AHRR: variants seen among roughly 807,000 people sequenced by gnomAD.
AHRR encodes the protein aryl hydrocarbon receptor repressor.
Under a neutral mutation model 44.0 loss-of-function variants are expected in AHRR, and 28 were observed. The ratio of observed to expected loss-of-function variants is 0.64; its 90% CI spans 0.47 to 0.87. AHRR has a LOEUF of 0.87. AHRR is among the 40% of genes least tolerant of loss of function. The pLI is 0.00. For missense variants in AHRR, 990 were observed against 953.9 expected, an observed-to-expected ratio of 1.04 and a Z score of -0.50; for synonymous variants, 434 against 407.0, an observed-to-expected ratio of 1.07 and a Z score of -0.80.
At chr5:407,098 A>T (rs1186248681) in intron 4 of AHRR, among the ~76,000 whole-genome samples, 1 of 152,148 alleles carries the variant, frequency 6.6e-6, no homozygotes, top group Non-Finnish European at 1.5e-5. Flanking sequence ...TATTTCTTAG[A>T]TGTTTAATAA....
intron 1 of AHRR, among the ~76,000 whole-genome samples, chr5:336,098 A>G (rs192498028): frequency 7.7e-4 from 118 of 152,312 alleles, no homozygotes; most frequent in African/African-American, 2.7e-3. Context: ...TAAATTTCAG[A>G]AAGGGTATGA....
At chr5:356,660 C>T (rs1442009403) in intron 3 of AHRR, among the ~76,000 whole-genome samples, 2 of 5,894 alleles carry the variant, frequency 3.4e-4, no homozygotes, top group African/African-American at 1.7e-3. Flanking sequence ...GAAGAGCGCC[C>T]GCGAGTGGAG....
At chr5:322,858 G>C (rs1162479372) in intron 1 of AHRR, among the ~76,000 whole-genome samples, 1 of 152,230 alleles carries the variant, frequency 6.6e-6, no homozygotes, top group Non-Finnish European at 1.5e-5. Flanking sequence ...GCTTCGACGG[G>C]GGGGACGCCA....
intron 3 of AHRR, among the ~76,000 whole-genome samples, chr5:366,884 A>G (rs1456405836): frequency 1.3e-5 from 2 of 152,204 alleles, no homozygotes; most frequent in Non-Finnish European, 2.9e-5. Context: ...AAAACCCAGC[A>G]GGCCATGAAA....
rs147386481 is a variant in AHRR at position 369,258 on chromosome 5, C to T, written c.245-7352C>T. ...TCAAGAGCAGCACGGCACAGTCATC[C>T]GCTTCTCACACTTCCTCACACCCTC... is the stretch of plus-strand genomic sequence containing the variant. On this transcript the variant is annotated intron_variant, in intron 3 of 10. Coordinates refer to ENST00000684583, the MANE Select transcript of AHRR (RefSeq NM_001377236.1). 7.2e-5 allele frequency among the ~76,000 whole-genome samples: 11 copies of T among 152,274 alleles called. No individual in the cohort carries two copies. In the South Asian group the frequency reaches 8.3e-4, roughly 11 times the overall value.
chr5:394,746 T>C (rs2434691), intron 4 of AHRR, among the ~76,000 whole-genome samples: 1 of 152,166 alleles, frequency 6.6e-6, no homozygotes, highest in Non-Finnish European at 1.5e-5. Flanking sequence ...ATTGGGCCTG[T>C]GTGGGGCCGG....
chr5:381,112 C>T (rs1408835272), intron 4 of AHRR, among the ~76,000 whole-genome samples: 1 of 152,264 alleles, frequency 6.6e-6, no homozygotes, highest in Non-Finnish European at 1.5e-5. Context: ...AAATTCTCCT[C>T]TTCTTGTGCC....
At chr5:343,440 G>T in intron 1 of AHRR, 1 of 189,848 alleles carries the variant, frequency 5.3e-6, no homozygotes, top group African/African-American at 2.4e-5. Flanking sequence ...GGGGGTGACG[G>T]GAACACGGGA....
At chr5:391,049 G>GAA (rs1230924048) in intron 4 of AHRR, among the ~76,000 whole-genome samples, 8 of 39,646 alleles carry the variant, frequency 2.0e-4, no homozygotes, top group Admixed American at 2.0e-3. Context: ...AACATCCTCA[G>GAA]ACAGACGGGA....
At chr5:344,050 G>C in intron 2 of AHRR, 86 bp downstream of exon 2, 2 of 1,415,604 alleles carry the variant, frequency 1.4e-6, no homozygotes, top group Non-Finnish European at 1.9e-6. Flanking sequence ...GGAGTTTTAG[G>C]AACAGGGCGA....
chr5:421,100 G>A (rs940416184), intron 5 of AHRR: 9 of 546,562 alleles, frequency 1.6e-5, no homozygotes, highest in African/African-American at 1.6e-4. Flanking sequence ...ACATTGGCCA[G>A]AAGGTGCAGC....
intron 5 of AHRR, among the ~76,000 whole-genome samples, chr5:415,611 G>T (rs75387301): frequency 1.1e-5 from 1 of 87,260 alleles, no homozygotes; most frequent in Non-Finnish European, 2.8e-5. Flanking sequence ...CTGCCTGGTG[G>T]GGCGGGAGGC....
rs371788996 is a variant in AHRR at position 373,912 on chromosome 5, C to A, written c.245-2698C>A. ...TGGCCCCATCGCGTGACGGCGCCGG[C>A]GGCTGCGGGGGAAGTAGGGGGGAAG... On this transcript the variant is annotated intron_variant, in intron 3 of 10. Coordinates refer to ENST00000684583, the MANE Select transcript of AHRR (RefSeq NM_001377236.1). 5.7e-4 allele frequency among the ~76,000 whole-genome samples: 86 copies of A among 150,842 alleles called. 2 individuals carry two copies. The South Asian group carries it at 0.015, about 26-fold the overall frequency.
intron 2 of AHRR, among the ~76,000 whole-genome samples, chr5:352,704 G>T (rs1579614269): frequency 6.7e-6 from 1 of 148,844 alleles, no homozygotes; most frequent in Non-Finnish European, 1.5e-5. Flanking sequence ...TCACTGTGAG[G>T]TTAAATGGGT....
intron 1 of AHRR, among the ~76,000 whole-genome samples, chr5:327,012 T>C (rs980088099): frequency 1.3e-5 from 2 of 152,186 alleles, no homozygotes; most frequent in African/African-American, 2.4e-5. Flanking sequence ...TGAGCTGAGA[T>C]TGAGCCATTG....
At chr5:353,266 C>A (rs1742922583) in intron 2 of AHRR, among the ~76,000 whole-genome samples, 1 of 152,174 alleles carries the variant, frequency 6.6e-6, no homozygotes, top group Admixed American at 6.5e-5. Flanking sequence ...CCAGGAGGAC[C>A]TTTTCATGTT....
intron 3 of AHRR, among the ~76,000 whole-genome samples, chr5:364,101 A>T (rs966572517): frequency 6.6e-6 from 1 of 152,382 alleles, no homozygotes; most frequent in East Asian, 1.9e-4. Flanking sequence ...TTCTACTGAT[A>T]ACAGCCAAAA....
At chr5:433,030 TAAG>T in intron 10 of AHRR, 83 bp downstream of exon 10, 2 of 1,426,928 alleles carry the variant, frequency 1.4e-6, no homozygotes, top group Non-Finnish European at 1.9e-6. Flanking sequence ...GGGGAGTGAT[TAAG>T]AAGAAAAATA....
intron 7 of AHRR, among the ~76,000 whole-genome samples, chr5:426,047 T>TA (rs999341331): frequency 7.9e-5 from 12 of 152,198 alleles, no homozygotes; most frequent in African/African-American, 2.2e-4. Context: ...ATATTTATAC[T>TA]AAAAAAATTG....
Sources: gnomAD v4.1 joint callset for allele counts (sites outside exome capture counted in the v4.1 genomes callset) on GRCh38, gnomAD v4.1.1 for gene constraint, MANE v1.5 for transcripts, NCBI Gene and HGNC (gene_info 2026-07-23, HGNC 2026-07-21) for gene names.